Variants in MID1 observed in about 807,000 individuals in gnomAD.
MID1 encodes the protein midline 1, also known as E3 ubiquitin-protein ligase Midline-1.
Under a neutral mutation model 40.4 loss-of-function variants are expected in MID1, and 7 were observed. The observed-to-expected ratio is 0.17, with a 90% CI of 0.10 to 0.33. MID1 has a LOEUF of 0.33. Among genes scored for constraint, MID1 ranks in the 10% least tolerant of loss-of-function variants. The pLI, the probability that MID1 is intolerant of heterozygous loss-of-function variation, is 1.00. For missense variants in MID1, 367 were observed against 558.5 expected, an observed-to-expected ratio of 0.66 and a Z score of 3.46; for synonymous variants, 229 against 221.2, an observed-to-expected ratio of 1.04 and a Z score of -0.31.
At chrX:10,543,207 C>T (rs1316806922) in intron 2 of MID1, among the ~76,000 whole-genome samples, 1 of 112,258 alleles carries the variant, frequency 8.9e-6, no homozygotes, top group East Asian at 2.8e-4. Context: ...CCTTAAGTTA[C>T]TCTTGGGTTT....
chrX:10,454,914 A>G lies in MID1; in HGVS notation c.1611T>C (p.Asp537=), dbSNP rs760484659. ...CCACTTCCCAATAATGCCGGCCACT[A>G]TCAATAAACACATTTCCAGCTACTC... ...SYGVAGNVFI[D]SGRHYWEVVI... Residue 537 remains aspartate, a synonymous_variant, in exon 9 of 10, where the codon GAT becomes GAC. Coordinates refer to ENST00000317552, the MANE Select transcript of MID1 (RefSeq NM_000381.4). 8.3e-7 allele frequency: 1 copy of G among 1,211,551 alleles called. No homozygotes were observed. Among genetic ancestry groups the G allele is most frequent in the Non-Finnish European group, 1.1e-6 (1 of 895,340 alleles).
chrX:10,785,164 C>A (rs1336832566), intron 1 of MID1, among the ~76,000 whole-genome samples: 1 of 111,379 alleles, frequency 9.0e-6, no homozygotes, highest in Non-Finnish European at 1.9e-5. Context: ...CATTCTTATA[C>A]ACCAATAACA....
chrX:10,725,059 A>C (rs776749966), intron 1 of MID1, among the ~76,000 whole-genome samples: 1 of 111,853 alleles, frequency 8.9e-6, no homozygotes, highest in African/African-American at 3.2e-5. Flanking sequence ...GAACTCCAAA[A>C]CTGTAGCACT....
chrX:10,808,745 TC>T (rs1371675345), intron 1 of MID1, among the ~76,000 whole-genome samples: 1 of 111,724 alleles, frequency 9.0e-6, no homozygotes, highest in African/African-American at 3.3e-5. Context: ...TGAAACTGGA[TC>T]CCTTCCTTAC....
At chrX:10,773,474 G>GT (rs1156594850) in intron 1 of MID1, among the ~76,000 whole-genome samples, 1 of 112,074 alleles carries the variant, frequency 8.9e-6, no homozygotes, top group Non-Finnish European at 1.9e-5. Context: ...TGCAGCGCCT[G>GT]TTTGGTTCCC....
intron 1 of MID1, among the ~76,000 whole-genome samples, chrX:10,823,674 C>T (rs1002882670): frequency 1.8e-5 from 2 of 109,790 alleles, no homozygotes; most frequent in Non-Finnish European, 3.8e-5. Flanking sequence ...ATAAAATGTA[C>T]ATAGAAATGT....
intron 1 of MID1, among the ~76,000 whole-genome samples, chrX:10,697,070 T>C (rs1332426076): frequency 8.9e-6 from 1 of 112,217 alleles, no homozygotes; most frequent in East Asian, 2.8e-4. Flanking sequence ...GGAACACCTC[T>C]AGGACTCCAA....
intron 1 of MID1, among the ~76,000 whole-genome samples, chrX:10,784,628 T>C (rs1244177380): frequency 6.4e-5 from 7 of 109,043 alleles, no homozygotes; most frequent in Admixed American, 4.0e-4. Context: ...GTATTTTTAG[T>C]AGAGACGGGG....
intron 1 of MID1, among the ~76,000 whole-genome samples, chrX:10,654,579 C>T (rs2042857159): frequency 8.9e-6 from 1 of 111,739 alleles, no homozygotes; most frequent in African/African-American, 3.3e-5. Flanking sequence ...CTAATGCCGC[C>T]GCTGATCTGA....
chrX:10,688,312 G>A (rs1427309078), intron 1 of MID1, among the ~76,000 whole-genome samples: 1 of 109,890 alleles, frequency 9.1e-6, no homozygotes, highest in Non-Finnish European at 1.9e-5. Context: ...TCCCATTTTT[G>A]TAACCAGCAT....
intron 1 of MID1, among the ~76,000 whole-genome samples, chrX:10,781,726 T>A (rs2043847717): frequency 8.9e-6 from 1 of 112,149 alleles, no homozygotes; most frequent in East Asian, 2.8e-4. Context: ...TCCAATATGT[T>A]TGATTAGTGT....
intron 1 of MID1, among the ~76,000 whole-genome samples, chrX:10,692,947 C>T (rs2049805015): frequency 9.0e-6 from 1 of 111,279 alleles, no homozygotes; most frequent in African/African-American, 3.3e-5. Flanking sequence ...CTAATCAACA[C>T]TTCTTCCCCA....
At chrX:10,769,278 C>CA (rs2043749849) in intron 1 of MID1, among the ~76,000 whole-genome samples, 1 of 109,549 alleles carries the variant, frequency 9.1e-6, no homozygotes, top group African/African-American at 3.3e-5. Flanking sequence ...TAAAACAAAA[C>CA]AAAAAACAAA....
intron 2 of MID1, among the ~76,000 whole-genome samples, chrX:10,534,249 G>A (rs998886939): frequency 9.0e-5 from 10 of 111,621 alleles, no homozygotes; most frequent in African/African-American, 3.3e-4. Flanking sequence ...ACATGTTCTG[G>A]TCTTCCTACT....
At chrX:10,710,488 A>G (rs1430908351) in intron 1 of MID1, among the ~76,000 whole-genome samples, 2 of 110,591 alleles carry the variant, frequency 1.8e-5, no homozygotes, top group Non-Finnish European at 3.8e-5. Context: ...TAATAAGTAC[A>G]TATATTATAT....
intron 1 of MID1, among the ~76,000 whole-genome samples, chrX:10,673,722 T>C (rs2147064864): frequency 9.0e-6 from 1 of 111,011 alleles, no homozygotes; most frequent in East Asian, 2.8e-4. Context: ...TGCTAAAAAG[T>C]GCTTTTGTGG....
chrX:10,565,676 T>C (rs890999425), intron 2 of MID1, among the ~76,000 whole-genome samples: 10 of 111,839 alleles, frequency 8.9e-5, no homozygotes, highest in Non-Finnish European at 7.5e-5. Context: ...CTGATGAACA[T>C]AGTATCTCAC....
At chrX:10,832,167 G>A (rs1251977741) in intron 1 of MID1, among the ~76,000 whole-genome samples, 1 of 112,259 alleles carries the variant, frequency 8.9e-6, no homozygotes, top group African/African-American at 3.2e-5. Flanking sequence ...TATTATACAC[G>A]GTGCTTTTCT....
intron 3 of MID1, chrX:10,506,403 A>G: frequency 9.9e-7 from 1 of 1,010,886 alleles, no homozygotes; most frequent in Non-Finnish European, 1.3e-6. Context: ...GAAGCCAGTA[A>G]AGTGTGACTT....
Sources: gnomAD v4.1 joint callset for allele counts (sites outside exome capture counted in the v4.1 genomes callset) on GRCh38, gnomAD v4.1.1 for gene constraint, MANE v1.5 for transcripts, NCBI Gene and HGNC (gene_info 2026-07-23, HGNC 2026-07-21) for gene names.